The following LINC00237 variants were observed in gnomAD, a reference collection of about 807,000 sequenced individuals.
LINC00237 encodes the protein long independently transcribed non-coding RNA 237, also known as long intergenic non-protein coding RNA 237.
chr20:21,097,296 T>C (rs6137260), intron 1 of LINC00237, among the ~76,000 whole-genome samples: 19,556 of 152,204 alleles, frequency 0.13, 1,434 homozygotes, highest in East Asian at 0.31. Flanking sequence ...ATCCTATTCA[T>C]AACTTTTACA....
intron 1 of LINC00237, among the ~76,000 whole-genome samples, chr20:21,098,378 T>C (rs6132399): frequency 0.11 from 16,821 of 152,134 alleles, 1,204 homozygotes; most frequent in East Asian, 0.31. Flanking sequence ...AAAAAACTAA[T>C]GAAATGCAAG....
chr20:21,104,606 T>C (rs1212037803), intron 1 of LINC00237, among the ~76,000 whole-genome samples: 1 of 152,216 alleles, frequency 6.6e-6, no homozygotes, highest in African/African-American at 2.4e-5. Context: ...TCGGAGCACT[T>C]CTCCTCTGCC....
chr20:21,092,610 C>G (rs1309033958), intron 2 of LINC00237, among the ~76,000 whole-genome samples: 4 of 152,116 alleles, frequency 2.6e-5, no homozygotes, highest in African/African-American at 9.7e-5. Context: ...TTATGAATCC[C>G]TCAAATTGGC....
Position 21,086,512 on chromosome 20 carries a change from TC to T in LINC00237, n.560-625del, listed in dbSNP as rs2030695941. 2.1e-5 allele frequency among the ~76,000 whole-genome samples: 3 copies of T among 146,146 alleles called. No homozygotes were observed. In the South Asian group the frequency reaches 6.6e-4, roughly 32 times the overall value. On this transcript the variant is annotated intron_variant and non_coding_transcript_variant, in intron 3 of 3. Transcript: ENST00000691244. ...CTATATATATAGAGAGAGATACATA[TC>T]TATATAGATACATATCTATATATGG...
At chr20:21,103,870 G>T (rs531488968) in intron 1 of LINC00237, among the ~76,000 whole-genome samples, 1 of 152,236 alleles carries the variant, frequency 6.6e-6, no homozygotes, top group African/African-American at 2.4e-5. Context: ...TGTGGACGGG[G>T]GTATAAGACT....
At chr20:21,098,087 G>A (rs2030883595) in intron 1 of LINC00237, among the ~76,000 whole-genome samples, 1 of 152,174 alleles carries the variant, frequency 6.6e-6, no homozygotes, top group Admixed American at 6.5e-5. Context: ...TAGCGCCAAA[G>A]GGGATAGGTT....
intron 3 of LINC00237, chr20:21,087,641 T>C (rs2030732205): frequency 6.6e-6 from 1 of 152,204 alleles, no homozygotes. Context: ...AAAAATTACA[T>C]CTTGTTGGCA....
At chr20:21,102,828 C>G (rs912851923) in intron 1 of LINC00237, among the ~76,000 whole-genome samples, 67 of 152,038 alleles carry the variant, frequency 4.4e-4, no homozygotes, top group African/African-American at 1.6e-3. Context: ...AGGCTTGATT[C>G]TTTTTGAAAT....
At chr20:21,087,197 A>G (rs1275978723) in intron 3 of LINC00237, among the ~76,000 whole-genome samples, 2 of 151,662 alleles carry the variant, frequency 1.3e-5, no homozygotes, top group East Asian at 1.9e-4. Flanking sequence ...TAAAAATTTG[A>G]CATCATTCTC....
At chr20:21,091,297 C>T (rs886301935) in intron 2 of LINC00237, among the ~76,000 whole-genome samples, 5 of 152,096 alleles carry the variant, frequency 3.3e-5, no homozygotes, top group African/African-American at 4.8e-5. Flanking sequence ...CATATAGGCC[C>T]GACGAGAGAG....
At chr20:21,097,708 G>A (rs549776558) in intron 1 of LINC00237, among the ~76,000 whole-genome samples, 1 of 152,094 alleles carries the variant, frequency 6.6e-6, no homozygotes, top group Non-Finnish European at 1.5e-5. Context: ...CAGTAAAGTG[G>A]TACTTTGGAT....
chr20:21,090,952 G>A (rs2030784047), intron 2 of LINC00237, among the ~76,000 whole-genome samples: 1 of 152,032 alleles, frequency 6.6e-6, no homozygotes, highest in African/African-American at 2.4e-5. Flanking sequence ...ATCTTTGCCC[G>A]GGTCTTCTCC....
chr20:21,086,522 T>C (rs2030696116), intron 3 of LINC00237, among the ~76,000 whole-genome samples: 2 of 144,652 alleles, frequency 1.4e-5, no homozygotes, highest in Admixed American at 1.4e-4. Flanking sequence ...TCTATATAGA[T>C]ACATATCTAT....
At chr20:21,091,996 G>T (rs2030799750) in intron 2 of LINC00237, among the ~76,000 whole-genome samples, 1 of 151,592 alleles carries the variant, frequency 6.6e-6, no homozygotes, top group African/African-American at 2.4e-5. Flanking sequence ...AGTTCTTTTG[G>T]TTCTTTCCAA....
intron 1 of LINC00237, among the ~76,000 whole-genome samples, chr20:21,100,274 T>G (rs1302202235): frequency 6.6e-6 from 1 of 152,176 alleles, no homozygotes. Flanking sequence ...ATCTGTTGGT[T>G]TGACTGTACA....
chr20:21,095,311 T>C (rs2122175186), intron 1 of LINC00237, among the ~76,000 whole-genome samples: 1 of 151,926 alleles, frequency 6.6e-6, no homozygotes, highest in East Asian at 1.9e-4. Flanking sequence ...GGTGAGAGAG[T>C]GTCTTGGACT....
rs554197079 is a variant in LINC00237, at chr20:21,096,162, G to A, written n.89-2310C>T. 2.0e-5 allele frequency among the ~76,000 whole-genome samples: 3 copies of A among 152,340 alleles called. No individual in the cohort carries two copies. In the East Asian group the frequency reaches 5.8e-4, roughly 29 times the overall value. The stretch of plus-strand genomic sequence containing the variant: ...TTTGCAGTTAAGAAAAATAAAGCCA[G>A]GACGGGGATTACTTTGAACGGGTGC... On this transcript the variant is annotated intron_variant and non_coding_transcript_variant, in intron 1 of 3. Transcript: ENST00000691244.
At position 21,101,950 on chromosome 20, in the gene LINC00237, C is replaced by G. The variant is rs1294596073; in HGVS notation, n.88+4321G>C. On this transcript the variant is annotated intron_variant and non_coding_transcript_variant, in intron 1 of 3. Coordinates refer to ENST00000691244, the Ensembl canonical transcript of LINC00237. This position sits in a 1 kb window ranked among gnomAD's most constrained non-coding sequence, Gnocchi z 4.3. Reference sequence around the variant, plus strand: ...GGGGCGGCGATGGAGTAGCTCCGGGCTCTCCACGGACTCGATTGGACAGCC... The same window carrying G: ...GGGGCGGCGATGGAGTAGCTCCGGGGTCTCCACGGACTCGATTGGACAGCC... 6.6e-6 allele frequency among the ~76,000 whole-genome samples: 1 copy of G among 152,232 alleles called. No individual in the cohort carries two copies. Among genetic ancestry groups the G allele is most frequent in the Non-Finnish European group, 1.5e-5 (1 of 68,038 alleles).
intron 1 of LINC00237, among the ~76,000 whole-genome samples, chr20:21,094,375 A>G (rs1346286251): frequency 1.3e-5 from 2 of 152,204 alleles, no homozygotes; most frequent in Admixed American, 6.5e-5. Context: ...TCTGCCCTTG[A>G]AGAGCCAACA....
Sources: allele counts gnomAD v4.1 joint callset (sites outside exome capture counted in the v4.1 genomes callset), GRCh38; gene constraint gnomAD v4.1.1; non-coding constraint Gnocchi (gnomAD v3.1); transcripts MANE v1.5; gene names NCBI Gene and HGNC (gene_info 2026-07-23, HGNC 2026-07-21).